Variants in TUB observed in about 807,000 individuals in gnomAD.
The protein encoded by TUB is tubby protein homolog.
A neutral mutation model predicts 59.7 loss-of-function variants in TUB; 33 were observed. That is an observed-to-expected ratio of 0.55 (90% CI 0.42 to 0.74). The LOEUF is 0.74. Ranked by LOEUF, TUB falls within the 30% of genes least tolerant of loss-of-function variation. The pLI is 0.00. For synonymous variants in TUB, 293 were observed against 256.4 expected (o/e 1.14, Z -1.36); for missense variants, 659 against 672.0 (o/e 0.98, Z 0.21).
intron 2 of TUB, among the ~76,000 whole-genome samples, chr11:8,053,986 G>A (rs1942975364): frequency 6.6e-6 from 1 of 151,664 alleles, no homozygotes; most frequent in African/African-American, 2.4e-5. Flanking sequence ...CGTGGTGGCG[G>A]GCCCTGTAGT....
chr11:8,070,455 T>C (rs1190790608), intron 2 of TUB, among the ~76,000 whole-genome samples: 1 of 152,254 alleles, frequency 6.6e-6, no homozygotes, highest in African/African-American at 2.4e-5. Context: ...TGTTCTTGGC[T>C]ATTTTTCCAT....
rs778260922 is a variant in TUB, at chr11:8,094,179, A to G, written c.387A>G (p.Gly129=). ...QGGAARKEKK[G]KHKGTSGPAA... ...GCGCCGCTAGGAAGGAGAAGAAGGG[A>G]AAGCACAAAGGTCAGCTCACATTCT... Residue 129 remains glycine (G), a synonymous_variant, in exon 4 of 12, where the codon GGA becomes GGG. Transcript: ENST00000299506. 22 of 1,612,632 alleles carry G rather than the reference A, an allele frequency of 1.4e-5. 1 individual carries two copies. In the South Asian group the frequency reaches 2.2e-4, roughly 16 times the overall value.
intron 1 of TUB, among the ~76,000 whole-genome samples, chr11:8,022,097 G>A (rs1942437901): frequency 6.6e-6 from 1 of 152,094 alleles, no homozygotes; most frequent in African/African-American, 2.4e-5. Flanking sequence ...GAATATCCAG[G>A]GGTAGGACCT....
intron 1 of TUB, among the ~76,000 whole-genome samples, chr11:8,023,293 TG>T (rs1942456699): frequency 2.0e-5 from 3 of 152,134 alleles, no homozygotes; most frequent in African/African-American, 7.2e-5. Flanking sequence ...ATTTCAGGGG[TG>T]GGGAAACAGG....
chr11:8,073,061 C>G (rs1943387341), intron 2 of TUB, among the ~76,000 whole-genome samples: 1 of 152,190 alleles, frequency 6.6e-6, no homozygotes, highest in Non-Finnish European at 1.5e-5. Context: ...AGCACATTAG[C>G]AACTTAGCCA....
intron 2 of TUB, among the ~76,000 whole-genome samples, chr11:8,050,653 A>T (rs536049520): frequency 9.5e-4 from 145 of 152,208 alleles, no homozygotes; most frequent in African/African-American, 2.1e-3. Flanking sequence ...CATTTTTTTT[A>T]AAAAAGTGAA....
At chr11:8,019,457 C>A (rs1275093818) in intron 1 of TUB, 2 of 1,186,454 alleles carry the variant, frequency 1.7e-6, no homozygotes, top group Admixed American at 8.6e-5. Flanking sequence ...CGCGAGCGCC[C>A]GACCCCCAGG....
At chr11:8,060,631 T>A (rs1213639565) in intron 2 of TUB, among the ~76,000 whole-genome samples, 1 of 152,160 alleles carries the variant, frequency 6.6e-6, no homozygotes, top group African/African-American at 2.4e-5. Flanking sequence ...TTGAGGGTGA[T>A]GGGGAGGGAG....
Position 8,064,267 on chromosome 11 carries a change from C to T in TUB, c.203+24575C>T, listed in dbSNP as rs530106195. Among the ~76,000 whole-genome samples, 111 of 152,282 alleles carry T rather than the reference C, an allele frequency of 7.3e-4. 1 individual carries two copies. The highest frequency in any genetic ancestry group is 3.1e-3 in the Admixed American group (47 of 15,298). Reference sequence around the variant, plus strand: ...AGAACCCGTGGCCCCATGCTTGTCCCCACCTTGATGGACTGTGCCTGAGCT... The same window carrying T: ...AGAACCCGTGGCCCCATGCTTGTCCTCACCTTGATGGACTGTGCCTGAGCT... On this transcript the variant is annotated intron_variant, in intron 2 of 12. Transcript: ENST00000305253.
At chr11:8,100,622 C>A (rs199793264) in intron 10 of TUB, 21 bp downstream of exon 10, 10 of 1,605,240 alleles carry the variant, frequency 6.2e-6, no homozygotes, top group Non-Finnish European at 8.5e-7. Context: ...ACCCCTTCCT[C>A]CCCTCTTTCC....
At chr11:8,062,618 C>T (rs370873502) in intron 2 of TUB, among the ~76,000 whole-genome samples, 242 of 152,258 alleles carry the variant, frequency 1.6e-3, no homozygotes, top group African/African-American at 5.3e-3. Flanking sequence ...CCCAGGAAGG[C>T]AGGCTCACAA....
Position 8,083,166 on chromosome 11 carries a change from T to C in TUB, c.38+1618T>C, listed in dbSNP as rs529753068. Among the ~76,000 whole-genome samples the C allele has an allele frequency of 1.1e-3, 160 of 152,266 alleles. 1 individual carries two copies. Among genetic ancestry groups the C allele is most frequent in the African/African-American group, 3.8e-3 (156 of 41,552 alleles). ...GCCCCATGGAGCGTCATCAACCTTT[T>C]CTAGCCACGCGGCAGAGGTGCCTGG... On this transcript the variant is annotated intron_variant, in intron 1 of 11. Coordinates refer to ENST00000299506, the MANE Select transcript of TUB (RefSeq NM_177972.3).
At position 8,055,052 on chromosome 11, in the gene TUB, C is replaced by T. The variant is rs1942997108; in HGVS notation, c.203+15360C>T. Among the ~76,000 whole-genome samples the T allele has an allele frequency of 2.0e-5, 3 of 152,182 alleles. No individual in the cohort carries two copies. In the South Asian group the frequency reaches 6.2e-4, roughly 32 times the overall value. On this transcript the variant is annotated intron_variant, in intron 2 of 12. Transcript: ENST00000305253. ...TCAGCCTGTGTCCCCTGGAAACCCC[C>T]TCAGCTAGACAGAGAGGAGAGGGTT...
Position 8,097,348 on chromosome 11 carries a change from A to T in TUB, c.808A>T (p.Thr270Ser). ...PQGITIKCRITRDKKGMDRGM... is the reference protein window; with the variant it reads ...PQGITIKCRISRDKKGMDRGM... ...GGGTATCACCATCAAATGCCGCATC[A>T]CTCGGGACAAGAAAGGGATGGACCG... Residue 270 changes from threonine (T) to serine (S), a missense_variant, in exon 7 of 12, where the codon ACT (threonine) becomes TCT (serine). Thr to Ser is a moderately conservative substitution (Grantham distance 58). This residue lies in a region of TUB where 112 missense variants were observed against 156.9 expected (regional missense o/e 0.71). Transcript: ENST00000299506. 1 of 1,614,094 alleles carries T rather than the reference A, an allele frequency of 6.2e-7. No homozygotes were observed.
At chr11:8,094,335 G>C (rs1489182903) in intron 4 of TUB, 146 bp downstream of exon 4, 6 of 1,123,776 alleles carry the variant, frequency 5.3e-6, no homozygotes, top group Admixed American at 5.7e-5. Context: ...CACCCCCTCA[G>C]GTGGCTCACA....
At chr11:8,077,027 T>C (rs1943462368), upstream of TUB, 1 of 152,258 alleles carries the variant, frequency 6.6e-6, no homozygotes, top group Non-Finnish European at 1.5e-5. Flanking sequence ...ATAGTTATGC[T>C]ACCATCTTGC....
intron 1 of TUB, among the ~76,000 whole-genome samples, chr11:8,082,264 G>A (rs1943584109): frequency 6.6e-6 from 1 of 152,178 alleles, no homozygotes; most frequent in African/African-American, 2.4e-5. Flanking sequence ...ATGCAGAAAG[G>A]CACTCAAGAA....
In TUB at chr11:8,100,820, T is replaced by G; in HGVS notation, c.1216-6T>G. ...GGGCCTGGCTCAGGTGAGGCTGCCC[T>G]CCCAGGAGCATGAGACACTGCTAGC... is the stretch of plus-strand genomic sequence containing the variant. On this transcript the variant is annotated splice_region_variant and splice_polypyrimidine_tract_variant and intron_variant, in intron 10 of 11. Coordinates refer to ENST00000299506, the MANE Select transcript of TUB (RefSeq NM_177972.3). The G allele has an allele frequency of 6.2e-7, 1 of 1,613,582 alleles. No homozygotes were observed. The highest frequency in any genetic ancestry group is 8.5e-7 in the Non-Finnish European group (1 of 1,179,756).
upstream of TUB, chr11:8,038,594 C>T: frequency 1.7e-6 from 2 of 1,145,316 alleles, no homozygotes; most frequent in Non-Finnish European, 2.1e-6. Flanking sequence ...CCATGGAAAC[C>T]AGCAATTGGG....
Sources: allele counts gnomAD v4.1 joint callset (sites outside exome capture counted in the v4.1 genomes callset), GRCh38; gene constraint gnomAD v4.1.1; regional missense constraint gnomAD v4.1.1; transcripts MANE v1.5; gene names NCBI Gene and HGNC (gene_info 2026-07-23, HGNC 2026-07-21).